DUSP22: variants seen among roughly 807,000 people sequenced by gnomAD.
DUSP22 encodes dual specificity protein phosphatase 22.
A neutral mutation model predicts 24.5 loss-of-function variants in DUSP22; 24 were observed. The ratio of observed to expected loss-of-function variants is 0.98; its 90% CI spans 0.71 to 1.38. The LOEUF is 1.38. DUSP22 is among the 40% of genes most tolerant of loss of function. The pLI is 0.00. For missense variants in DUSP22, 330 were observed against 269.2 expected, an observed-to-expected ratio of 1.23 and a Z score of -1.58; for synonymous variants, 160 against 106.4, an observed-to-expected ratio of 1.50 and a Z score of -3.10.
chr6:331,888 C>T (rs1022561652), intron 3 of DUSP22, among the ~76,000 whole-genome samples: 18 of 152,290 alleles, frequency 1.2e-4, no homozygotes, highest in African/African-American at 1.9e-4. Flanking sequence ...TTGTGGATCA[C>T]GCCGACTGGC....
At chr6:341,852 C>G (rs1428209407) in intron 4 of DUSP22, among the ~76,000 whole-genome samples, 1 of 152,310 alleles carries the variant, frequency 6.6e-6, no homozygotes, top group African/African-American at 2.4e-5. Context: ...TTCACACGCC[C>G]ACTCGGCTCT....
intron 3 of DUSP22, among the ~76,000 whole-genome samples, chr6:323,899 A>T (rs1173897015): frequency 6.6e-6 from 1 of 152,306 alleles, no homozygotes; most frequent in Non-Finnish European, 1.5e-5. Context: ...AAGTGGAAGC[A>T]GTTCGAAGTC....
intron 3 of DUSP22, among the ~76,000 whole-genome samples, chr6:330,678 G>A (rs1207282511): frequency 1.3e-5 from 2 of 152,304 alleles, no homozygotes; most frequent in African/African-American, 2.4e-5. Context: ...GAACTTTTGA[G>A]AAGATGGACT....
intron 3 of DUSP22, among the ~76,000 whole-genome samples, chr6:331,769 C>T (rs554644146): frequency 6.6e-6 from 1 of 152,426 alleles, no homozygotes; most frequent in East Asian, 1.9e-4. Flanking sequence ...AGAGACTTTT[C>T]ATGCTTTGTT....
At chr6:348,037 T>C in intron 5 of DUSP22, 66 bp from the exon 6 acceptor site, 1 of 1,597,494 alleles carries the variant, frequency 6.3e-7, no homozygotes, top group East Asian at 2.2e-5. Flanking sequence ...CCGCTCCACA[T>C]GGATTGGGCG....
At chr6:318,196 G>C (rs529555933) in intron 3 of DUSP22, among the ~76,000 whole-genome samples, 4 of 152,302 alleles carry the variant, frequency 2.6e-5, no homozygotes, top group Admixed American at 2.0e-4. Flanking sequence ...AATCTAGAGA[G>C]CTACCTTTGC....
intron 3 of DUSP22, among the ~76,000 whole-genome samples, chr6:318,573 C>A (rs900043234): frequency 6.6e-6 from 1 of 151,938 alleles, no homozygotes; most frequent in Non-Finnish European, 1.5e-5. Flanking sequence ...GCTCTCAGGA[C>A]CCCAGGGCCT....
intron 6 of DUSP22, 99 bp downstream of exon 6, chr6:348,373 G>C (rs1389946738): frequency 6.4e-7 from 1 of 1,559,552 alleles, no homozygotes; most frequent in East Asian, 2.3e-5. Flanking sequence ...GTTTGGAGTT[G>C]AAAGGCCCAC....
At position 349,511 on chromosome 6, in the gene DUSP22, C is replaced by G. The variant is rs937519873; in HGVS notation, c.*560C>G. The G allele has an allele frequency of 1.0e-6, 1 of 993,026 alleles. No homozygotes were observed. The highest frequency in any genetic ancestry group is 4.6e-5 in the South Asian group (1 of 21,966). 61.5% of individuals were successfully genotyped at this position (993,026 alleles called of 1,614,324 possible). On this transcript the variant is annotated 3_prime_UTR_variant, in exon 7 of 7. Coordinates refer to ENST00000419235, the MANE Select transcript of DUSP22 (RefSeq NM_001286555.3). ...TGTGCCTCTGAGCAGACCGTGAGAA[C>G]TCAGGGGACGAGTGGCTAAGAGCAT...
rs1377091272 is a variant in DUSP22 at position 334,456 on chromosome 6, A to G, written c.139-658A>G. 2.6e-5 allele frequency among the ~76,000 whole-genome samples: 4 copies of G among 152,402 alleles called. No individual in the cohort carries two copies. In the East Asian group the frequency reaches 7.7e-4, roughly 29 times the overall value. On this transcript the variant is annotated intron_variant, in intron 3 of 6. Coordinates refer to ENST00000419235, the MANE Select transcript of DUSP22 (RefSeq NM_001286555.3). Reference sequence around the variant, plus strand: ...CATGCCTGTTGTAGCATGGATTTACATAAACCTTTTTCTGAGTTTTATAGA... The same window carrying G: ...CATGCCTGTTGTAGCATGGATTTACGTAAACCTTTTTCTGAGTTTTATAGA...
intron 4 of DUSP22, among the ~76,000 whole-genome samples, chr6:339,906 G>A (rs1405683127): frequency 6.6e-6 from 1 of 152,292 alleles, no homozygotes; most frequent in Non-Finnish European, 1.5e-5. Flanking sequence ...TTGGACTACT[G>A]TGGTCCTGCT....
intron 3 of DUSP22, among the ~76,000 whole-genome samples, chr6:313,307 T>C (rs1023255720): frequency 1.3e-5 from 2 of 152,302 alleles, no homozygotes; most frequent in Non-Finnish European, 2.9e-5. Context: ...CACACTGTCA[T>C]GTGTGCACAT....
intron 3 of DUSP22, among the ~76,000 whole-genome samples, chr6:322,841 G>GGGGGGGGGGGC: frequency 6.9e-6 from 1 of 144,626 alleles, no homozygotes; most frequent in African/African-American, 2.6e-5. Flanking sequence ...GGGGCGGGGG[G>GGGGGGGGGGGC]GGGCCTTCGA....
At position 304,609 on chromosome 6, in the gene DUSP22, G is replaced by A. The variant is rs757817208; in HGVS notation, c.22-19G>A. ...CTTAGAGTCTGCCATGCTCATGTCT[G>A]TGTCTGTCTCTCTCCTAGATCCTGC... On this transcript the variant is annotated intron_variant, in intron 1 of 6. Transcript: ENST00000419235. The A allele has an allele frequency of 1.2e-6, 2 of 1,614,178 alleles. No individual in the cohort carries two copies. Among genetic ancestry groups the A allele is most frequent in the African/African-American group, 1.3e-5 (1 of 75,082 alleles).
intron 2 of DUSP22, among the ~76,000 whole-genome samples, chr6:309,679 A>AACAGACACACACAC (rs1554099005): frequency 2.9e-5 from 4 of 138,426 alleles, no homozygotes; most frequent in African/African-American, 1.1e-4. Flanking sequence ...ACTCATGTAG[A>AACAGACACACACAC]ACACACACAC....
At chr6:298,471 C>G (rs1024685256) in intron 1 of DUSP22, among the ~76,000 whole-genome samples, 1 of 152,302 alleles carries the variant, frequency 6.6e-6, no homozygotes, top group African/African-American at 2.4e-5. Flanking sequence ...TTCTTAGATG[C>G]CATGCATCCT....
chr6:349,066 G>T lies in DUSP22; in HGVS notation c.*115G>T. The T allele has an allele frequency of 6.7e-7, 1 of 1,483,418 alleles. No individual in the cohort carries two copies. Among genetic ancestry groups the T allele is most frequent in the Middle Eastern group, 2.4e-4 (1 of 4,106 alleles). 91.9% of individuals were successfully genotyped at this position (1,483,418 alleles called of 1,614,324 possible). A position where few individuals can be genotyped will look rare whatever the true frequency, so the allele number is the denominator to read the frequency against. ...GAAAGGGAGATAGCCAGGGCGAGGT[G>T]GGGCGAGGGCTCCTTCCCCCAAGCA... is the stretch of plus-strand genomic sequence containing the variant. On this transcript the variant is annotated 3_prime_UTR_variant, in exon 7 of 7. Coordinates refer to ENST00000419235, the MANE Select transcript of DUSP22 (RefSeq NM_001286555.3).
intron 4 of DUSP22, among the ~76,000 whole-genome samples, chr6:336,602 G>A (rs925607463): frequency 1.3e-5 from 2 of 152,308 alleles, no homozygotes; most frequent in Non-Finnish European, 2.9e-5. Flanking sequence ...GAAAAGTGAG[G>A]TGGTAGATCA....
intron 2 of DUSP22, among the ~76,000 whole-genome samples, chr6:309,997 G>C (rs1053637058): frequency 1.3e-5 from 2 of 152,308 alleles, no homozygotes; most frequent in African/African-American, 2.4e-5. Context: ...CTCTCACTCT[G>C]TTGCCCAGGC....
Sources: gnomAD v4.1 joint callset for allele counts (sites outside exome capture counted in the v4.1 genomes callset) on GRCh38, gnomAD v4.1.1 for gene constraint, MANE v1.5 for transcripts, NCBI Gene and HGNC (gene_info 2026-07-23, HGNC 2026-07-21) for gene names.